SHQ1: variants seen among roughly 807,000 people sequenced by gnomAD.
SHQ1 encodes protein SHQ1 homolog.
SHQ1 carries 49 observed loss-of-function variants against 53.8 expected under a neutral mutation model. The ratio of observed to expected loss-of-function variants is 0.91; its 90% CI spans 0.72 to 1.16. The LOEUF (loss-of-function observed/expected upper bound fraction) is 1.16. Among genes scored for constraint, SHQ1 ranks in the 50% most tolerant of loss-of-function variants. The pLI is 0.00. For synonymous variants in SHQ1, 243 were observed against 251.0 expected, an observed-to-expected ratio of 0.97 and a Z score of 0.30; for missense variants, 738 against 683.1, an observed-to-expected ratio of 1.08 and a Z score of -0.90.
At chr3:72,751,508 G>GTATATATATATATATATATA (rs371779807) in intron 10 of SHQ1, among the ~76,000 whole-genome samples, 14 of 116,972 alleles carry the variant, frequency 1.2e-4, no homozygotes, top group African/African-American at 5.8e-4. Context: ...GTGTGTGTGT[G>GTATATATATATATATATATA]TATATATATA....
chr3:72,776,933 G>A (rs1705969118), intron 10 of SHQ1, among the ~76,000 whole-genome samples: 1 of 152,152 alleles, frequency 6.6e-6, no homozygotes, highest in African/African-American at 2.4e-5. Flanking sequence ...ATTTATAAGA[G>A]TGAGCACTGC....
At chr3:72,787,205 G>C (rs976397999) in intron 10 of SHQ1, among the ~76,000 whole-genome samples, 1 of 152,028 alleles carries the variant, frequency 6.6e-6, no homozygotes, top group African/African-American at 2.4e-5. Flanking sequence ...AGCAAAAAAA[G>C]TTAATTGCAC....
chr3:72,788,622 T>C (rs2106782259), intron 10 of SHQ1, among the ~76,000 whole-genome samples: 1 of 152,238 alleles, frequency 6.6e-6, no homozygotes, highest in East Asian at 1.9e-4. Context: ...ACGATGGCAG[T>C]TTTGTCGAAC....
At chr3:72,765,602 G>A (rs1467865851) in intron 10 of SHQ1, among the ~76,000 whole-genome samples, 1 of 137,928 alleles carries the variant, frequency 7.3e-6, no homozygotes, top group Admixed American at 7.5e-5. Context: ...CACCCAGGCT[G>A]GCGTGCAGTG....
intron 5 of SHQ1, among the ~76,000 whole-genome samples, chr3:72,828,600 G>A (rs540173104): frequency 3.3e-5 from 5 of 152,046 alleles, no homozygotes; most frequent in South Asian, 2.1e-4. Flanking sequence ...AGGCTGAGGC[G>A]GGAGAATGAC....
At chr3:72,809,644 T>C (rs1707058990) in intron 9 of SHQ1, 1 of 152,184 alleles carries the variant, frequency 6.6e-6, no homozygotes, top group African/African-American at 2.4e-5. Flanking sequence ...AACTATGACT[T>C]GTCACTTCTA....
At chr3:72,799,554 G>A (rs1379450637) in intron 9 of SHQ1, among the ~76,000 whole-genome samples, 3 of 151,980 alleles carry the variant, frequency 2.0e-5, no homozygotes, top group Non-Finnish European at 2.9e-5. Context: ...ACACAAACAC[G>A]CACATTAAAT....
At chr3:72,796,782 T>C (rs1326046011) in intron 9 of SHQ1, among the ~76,000 whole-genome samples, 1 of 151,850 alleles carries the variant, frequency 6.6e-6, no homozygotes, top group Non-Finnish European at 1.5e-5. Context: ...ATCACACCAC[T>C]GCACTCCAGC....
At chr3:72,812,594 A>G in intron 9 of SHQ1, 77 bp downstream of exon 9, 1 of 1,548,388 alleles carries the variant, frequency 6.5e-7, no homozygotes, top group Non-Finnish European at 8.8e-7. Context: ...AAAAAGCAAA[A>G]ATCATTATTA....
intron 10 of SHQ1, among the ~76,000 whole-genome samples, chr3:72,788,620 A>G (rs1706331966): frequency 6.6e-6 from 1 of 152,228 alleles, no homozygotes; most frequent in Non-Finnish European, 1.5e-5. Flanking sequence ...TGACGATGGC[A>G]GTTTTGTCGA....
chr3:72,780,419 G>A (rs1575687349), intron 10 of SHQ1, among the ~76,000 whole-genome samples: 1 of 152,328 alleles, frequency 6.6e-6, no homozygotes, highest in East Asian at 1.9e-4. Context: ...ATATCAAGTT[G>A]AAAGTGAAGT....
chr3:72,779,829 A>T (rs1204581398), intron 10 of SHQ1, among the ~76,000 whole-genome samples: 1 of 152,238 alleles, frequency 6.6e-6, no homozygotes, highest in Non-Finnish European at 1.5e-5. Context: ...TGATTAACAG[A>T]AACAAGTAAC....
chr3:72,825,134 G>A (rs1231920023), intron 5 of SHQ1, among the ~76,000 whole-genome samples: 1 of 152,042 alleles, frequency 6.6e-6, no homozygotes, highest in Admixed American at 6.6e-5. Flanking sequence ...GTACATAGAA[G>A]ACTGGTCCTA....
chr3:72,773,277 G>A, intron 10 of SHQ1: 3 of 646,836 alleles, frequency 4.6e-6, no homozygotes, highest in East Asian at 3.1e-5. Context: ...AAAGAGAAAG[G>A]GACAAGAAAG....
intron 10 of SHQ1, among the ~76,000 whole-genome samples, chr3:72,779,951 A>T (rs1190089421): frequency 1.3e-5 from 2 of 152,166 alleles, no homozygotes; most frequent in African/African-American, 4.8e-5. Context: ...AAAAAGGTAC[A>T]AGGCCAGGCG....
chr3:72,797,949 T>C (rs1706677486), intron 9 of SHQ1, among the ~76,000 whole-genome samples: 1 of 152,194 alleles, frequency 6.6e-6, no homozygotes, highest in Admixed American at 6.5e-5. Context: ...CTCAGCCACT[T>C]ATCTAGCAGC....
intron 10 of SHQ1, among the ~76,000 whole-genome samples, chr3:72,784,355 C>T (rs1706162690): frequency 6.6e-6 from 1 of 152,118 alleles, no homozygotes; most frequent in Non-Finnish European, 1.5e-5. Flanking sequence ...TAAGAGAAGT[C>T]TAATGAAGAG....
In SHQ1 at chr3:72,848,239, C is replaced by T; in HGVS notation, c.102G>A (p.Glu34=). 2 of 1,614,230 alleles carry T rather than the reference C, an allele frequency of 1.2e-6. No individual in the cohort carries two copies. The highest frequency in any genetic ancestry group is 2.2e-5 in the East Asian group (1 of 44,884). ...ARVSEFDVYF[E]GSDFKFYAKP... ...TGGCGTAGAACTTGAAGTCAGACCC[C>T]TCGAAGTAGACGTCGAACTCGGAGA... The change falls in exon 1 of 11, where the codon GAG becomes GAA. Residue 34 remains glutamate (E), a synonymous_variant. Coordinates refer to ENST00000325599, the MANE Select transcript of SHQ1 (RefSeq NM_018130.3).
Position 72,828,216 on chromosome 3 carries a change from C to T in SHQ1, c.600-3665G>A, listed in dbSNP as rs183802583. The stretch of plus-strand genomic sequence containing the variant: ...AAATACAGAACATTATAAAACAATG[C>T]GGTAAAAAACAAGACAAACTGTAAC... On this transcript the variant is annotated intron_variant, in intron 5 of 10. Coordinates refer to ENST00000325599, the MANE Select transcript of SHQ1 (RefSeq NM_018130.3). Among the ~76,000 whole-genome samples the T allele has an allele frequency of 5.0e-4, 76 of 152,222 alleles. 2 individuals carry two copies. In the East Asian group the frequency reaches 0.013, roughly 26 times the overall value.
Sources: gnomAD v4.1 joint callset for allele counts (sites outside exome capture counted in the v4.1 genomes callset) on GRCh38, gnomAD v4.1.1 for gene constraint, MANE v1.5 for transcripts, NCBI Gene and HGNC (gene_info 2026-07-23, HGNC 2026-07-21) for gene names.